The following RPA1 variants were observed in gnomAD, a reference collection of about 807,000 sequenced individuals.
RPA1 encodes the protein replication protein A 70 kDa DNA-binding subunit.
Under a neutral mutation model 83.0 loss-of-function variants are expected in RPA1, and 49 were observed. The observed-to-expected ratio is 0.59, with a 90% CI of 0.47 to 0.75. The LOEUF is 0.75. Among genes scored for constraint, RPA1 ranks in the 30% least tolerant of loss-of-function variants. The probability of loss-of-function intolerance (pLI) is 0.00; values close to 1 mark genes in which losing one functional copy is unlikely to be tolerated. For synonymous variants in RPA1, 279 were observed against 281.8 expected, an observed-to-expected ratio of 0.99 and a Z score of 0.10; for missense variants, 693 against 776.1, an observed-to-expected ratio of 0.89 and a Z score of 1.27.
intron 5 of RPA1, among the ~76,000 whole-genome samples, chr17:1,860,446 A>G (rs1414783305): frequency 6.6e-6 from 1 of 152,182 alleles, no homozygotes; most frequent in Non-Finnish European, 1.5e-5. Flanking sequence ...GTGCCTGGCC[A>G]TTGTGTATAC....
At chr17:1,894,174 A>T (rs1358125610) in intron 15 of RPA1, among the ~76,000 whole-genome samples, 2 of 144,420 alleles carry the variant, frequency 1.4e-5, no homozygotes, top group African/African-American at 2.5e-5. Context: ...TGACCTCCTA[A>T]TTTTTTTTTT....
At position 1,845,170 on chromosome 17, in the gene RPA1, G is replaced by C. The variant is rs41550012; in HGVS notation, c.272+484G>C. On this transcript the variant is annotated intron_variant, in intron 4 of 16. Transcript: ENST00000254719. ...TATTTTGTAATGCTGCTTTGTGTGT[G>C]TGTGTGTGTGTGTGTGTGTGTGTGT... Among the ~76,000 whole-genome samples, 184 of 122,042 alleles carry C rather than the reference G, an allele frequency of 1.5e-3. 2 individuals are homozygous for C. The Middle Eastern group carries it at 0.017, about 12-fold the overall frequency. The allele number at this position is 122,042 out of a possible 152,430, so 80.1% of individuals were successfully genotyped here.
Position 1,848,462 on chromosome 17 carries a change from T to C in RPA1, c.272+3776T>C, listed in dbSNP as rs537844172. Among the ~76,000 whole-genome samples, 4 of 151,404 alleles carry C rather than the reference T, an allele frequency of 2.6e-5. No homozygotes were observed. The East Asian group carries it at 8.0e-4, about 30-fold the overall frequency. ...CCCGTCTCTACTAAAAATACAAAAA[T>C]CAGCCGGGCATGGTGGCACATGCCT... On this transcript the variant is annotated intron_variant, in intron 4 of 16. Transcript: ENST00000254719.
At chr17:1,866,072 C>G (rs1422350591) in intron 5 of RPA1, among the ~76,000 whole-genome samples, 1 of 151,994 alleles carries the variant, frequency 6.6e-6, no homozygotes, top group Non-Finnish European at 1.5e-5. Context: ...GAAACCCTGT[C>G]TCTACCAAAA....
intron 14 of RPA1, among the ~76,000 whole-genome samples, chr17:1,890,963 C>T (rs916651438): frequency 6.6e-6 from 1 of 152,180 alleles, no homozygotes; most frequent in Admixed American, 6.5e-5. Flanking sequence ...AGTGTGAGCC[C>T]AGGGTGTGAT....
chr17:1,868,115 G>A (rs1368787889), intron 5 of RPA1, among the ~76,000 whole-genome samples: 1 of 152,066 alleles, frequency 6.6e-6, no homozygotes, highest in Non-Finnish European at 1.5e-5. Context: ...TAAACATAGG[G>A]CTATGGAAAA....
chr17:1,842,916 C>T lies in RPA1; in HGVS notation c.84+63C>T, dbSNP rs554616389. The T allele has an allele frequency of 2.0e-5, 30 of 1,531,964 alleles. No homozygotes were observed. The African/African-American group carries it at 2.5e-4, about 13-fold the overall frequency. The allele number at this position is 1,531,964 out of a possible 1,614,324, so 94.9% of individuals were successfully genotyped here. A position where few individuals can be genotyped will look rare whatever the true frequency, so the allele number is the denominator to read the frequency against. ...TTTGGAGTCATCGAATTACAAGTTA[C>T]GTTTGATGAAGGACAGACAGATTTG... is the stretch of plus-strand genomic sequence containing the variant. On this transcript the variant is annotated intron_variant, in intron 2 of 16. Transcript: ENST00000254719.
intron 5 of RPA1, among the ~76,000 whole-genome samples, chr17:1,867,932 A>G (rs1913238913): frequency 6.6e-6 from 1 of 151,906 alleles, no homozygotes; most frequent in African/African-American, 2.4e-5. Flanking sequence ...AAAAAATACA[A>G]AAAATAATCC....
At chr17:1,867,841 G>A (rs138878212) in intron 5 of RPA1, among the ~76,000 whole-genome samples, 20 of 152,216 alleles carry the variant, frequency 1.3e-4, no homozygotes, top group African/African-American at 4.8e-4. Flanking sequence ...CACTTTGGGA[G>A]GTCGAGGCAG....
chr17:1,880,663 A>C lies in RPA1; in HGVS notation c.1213A>C (p.Ile405Leu), dbSNP rs776463055. 3 of 1,613,706 alleles carry C rather than the reference A, an allele frequency of 1.9e-6. No homozygotes were observed. The change falls in exon 12 of 17, where the codon ATC (isoleucine) becomes CTC (leucine). Residue 405 changes from isoleucine (I) to leucine (L), a missense_variant. Physicochemically the swap from Ile to Leu is conservative, Grantham distance 5. Coordinates refer to ENST00000254719, the MANE Select transcript of RPA1 (RefSeq NM_002945.5). Reference protein sequence around the residue: ...SSSTIIANPDIPEAYKLRGWF... With the variant: ...SSSTIIANPDLPEAYKLRGWF... Reference sequence around the variant, plus strand: ...AAGCACTATCATTGCGAATCCTGACATCCCAGAGGCCTATAAGCTTCGTGG... The same window carrying C: ...AAGCACTATCATTGCGAATCCTGACCTCCCAGAGGCCTATAAGCTTCGTGG...
At chr17:1,874,614 A>AT (rs1348683106) in intron 6 of RPA1, among the ~76,000 whole-genome samples, 1 of 152,206 alleles carries the variant, frequency 6.6e-6, no homozygotes, top group Admixed American at 6.5e-5. Context: ...GGATGAATGG[A>AT]TGCTTGTGTG....
chr17:1,849,700 T>C (rs1473907923), intron 4 of RPA1, among the ~76,000 whole-genome samples: 2 of 152,082 alleles, frequency 1.3e-5, no homozygotes, highest in East Asian at 3.8e-4. Context: ...GTTGCCTGAT[T>C]TTCATGGAAA....
chr17:1,885,611 G>A (rs1913960527), intron 13 of RPA1, among the ~76,000 whole-genome samples: 1 of 152,026 alleles, frequency 6.6e-6, no homozygotes, highest in Non-Finnish European at 1.5e-5. Flanking sequence ...CTGGCTAATT[G>A]TATTTTTTGT....
At chr17:1,834,199 A>T (rs1200171236) in intron 1 of RPA1, among the ~76,000 whole-genome samples, 2 of 152,102 alleles carry the variant, frequency 1.3e-5, no homozygotes, top group African/African-American at 4.8e-5. Flanking sequence ...AAGAATGATC[A>T]TGGAGATATT....
intron 5 of RPA1, among the ~76,000 whole-genome samples, chr17:1,860,587 T>C (rs1912914869): frequency 6.6e-6 from 1 of 152,216 alleles, no homozygotes; most frequent in Non-Finnish European, 1.5e-5. Flanking sequence ...TTTTGGGTCT[T>C]TAAAAACTCA....
In RPA1 at chr17:1,844,643, T is replaced by C; in HGVS notation, c.229T>C (p.Cys77Arg). 1 of 1,613,876 alleles carries C rather than the reference T, an allele frequency of 6.2e-7. No homozygotes were observed. Among genetic ancestry groups the C allele is most frequent in the Non-Finnish European group, 8.5e-7 (1 of 1,179,924 alleles). The change falls in exon 4 of 17, where the codon TGC becomes CGC. Residue 77 changes from cysteine to arginine, a missense_variant. Cys to Arg is a radical substitution (Grantham distance 180, BLOSUM62 -3). Transcript: ENST00000254719. ...EEEQLSSNCV[C>R]QIHRFIVNTL... ...AGAACAATTGTCCAGCAACTGTGTA[T>C]GCCAGATTCACAGATTTATTGTGAA...
chr17:1,859,690 G>A (rs1912866205), intron 5 of RPA1, among the ~76,000 whole-genome samples: 1 of 152,158 alleles, frequency 6.6e-6, no homozygotes, highest in Non-Finnish European at 1.5e-5. Context: ...GAGTACAGTG[G>A]TACATTCACG....
intron 6 of RPA1, among the ~76,000 whole-genome samples, chr17:1,874,755 A>G (rs1453432836): frequency 6.6e-6 from 1 of 152,226 alleles, no homozygotes; most frequent in Non-Finnish European, 1.5e-5. Flanking sequence ...CAGTTAGAAA[A>G]TTTCAACACA....
chr17:1,851,661 T>A (rs1052175498), intron 4 of RPA1, among the ~76,000 whole-genome samples: 2 of 152,240 alleles, frequency 1.3e-5, no homozygotes, highest in African/African-American at 4.8e-5. Context: ...GGTTTTAGTA[T>A]TAGAGTCATA....
Sources: gnomAD v4.1 joint callset for allele counts (sites outside exome capture counted in the v4.1 genomes callset) on GRCh38, gnomAD v4.1.1 for gene constraint, MANE v1.5 for transcripts, NCBI Gene and HGNC (gene_info 2026-07-23, HGNC 2026-07-21) for gene names.